The following CCSER1 variants were observed in gnomAD, a reference collection of about 807,000 sequenced individuals.
CCSER1 encodes serine-rich coiled-coil domain-containing protein 1.
CCSER1 carries 41 observed loss-of-function variants against 82.0 expected under a neutral mutation model. That is an observed-to-expected ratio of 0.50 (90% CI 0.39 to 0.65). The LOEUF (loss-of-function observed/expected upper bound fraction) is 0.65, where lower values mean the gene tolerates loss of function less well. Ranked by LOEUF, CCSER1 falls within the 30% of genes least tolerant of loss-of-function variation. CCSER1 has a pLI of 0.00. For synonymous variants in CCSER1, 414 were observed against 383.9 expected, an observed-to-expected ratio of 1.08 and a Z score of -0.92; for missense variants, 1,119 against 1,064.2, an observed-to-expected ratio of 1.05 and a Z score of -0.72.
intron 10 of CCSER1, among the ~76,000 whole-genome samples, chr4:91,578,814 G>A (rs1339196966): frequency 6.6e-6 from 1 of 151,816 alleles, no homozygotes; most frequent in Non-Finnish European, 1.5e-5. Context: ...GTAGAATGTG[G>A]TTCAGGTGTT....
chr4:90,726,307 A>T (rs1186478733), intron 7 of CCSER1, among the ~76,000 whole-genome samples: 1 of 152,106 alleles, frequency 6.6e-6, no homozygotes, highest in Middle Eastern at 3.4e-3. Context: ...TGAAATAAAG[A>T]CAAATGGTAA....
At chr4:91,030,896 C>A (rs1248668701) in intron 9 of CCSER1, among the ~76,000 whole-genome samples, 6 of 152,136 alleles carry the variant, frequency 3.9e-5, no homozygotes, top group African/African-American at 1.4e-4. Flanking sequence ...CTCTGTTAGA[C>A]CTCTTTTGGT....
At chr4:91,300,060 T>C (rs903868025) in intron 10 of CCSER1, among the ~76,000 whole-genome samples, 1 of 151,974 alleles carries the variant, frequency 6.6e-6, no homozygotes, top group Non-Finnish European at 1.5e-5. Context: ...TTTTGTTGCC[T>C]TGACTTTGGA....
At position 91,155,046 on chromosome 4, in the gene CCSER1, T is replaced by C. The variant is rs115141078; in HGVS notation, c.2217+69052T>C. The stretch of plus-strand genomic sequence containing the variant: ...GCTTTTCTGGCCTTAAAAAAAAAAA[T>C]CCTAAAACCTAGAGGCTTAAAAGAA... On this transcript the variant is annotated intron_variant, in intron 10 of 10. Transcript: ENST00000509176. Among the ~76,000 whole-genome samples the C allele has an allele frequency of 5.7e-3, 798 of 138,832 alleles. 9 individuals are homozygous for C. The highest frequency in any genetic ancestry group is 0.019 in the African/African-American group (756 of 39,488). 91.1% of individuals were successfully genotyped at this position (138,832 alleles called of 152,430 possible). A position where few individuals can be genotyped will look rare whatever the true frequency, so the allele number is the denominator to read the frequency against.
intron 8 of CCSER1, among the ~76,000 whole-genome samples, chr4:90,830,677 G>A (rs1241913083): frequency 6.6e-6 from 1 of 152,010 alleles, no homozygotes; most frequent in African/African-American, 2.4e-5. Context: ...GCAGTTTTTG[G>A]TTTATTACAC....
chr4:90,137,126 A>G (rs1723840676), intron 1 of CCSER1, among the ~76,000 whole-genome samples: 1 of 152,208 alleles, frequency 6.6e-6, no homozygotes, highest in Non-Finnish European at 1.5e-5. Flanking sequence ...AAAAGTACTC[A>G]TTAATAAATG....
chr4:91,298,519 T>C (rs1560574611), intron 10 of CCSER1, among the ~76,000 whole-genome samples: 1 of 151,964 alleles, frequency 6.6e-6, no homozygotes, highest in South Asian at 2.1e-4. Context: ...TGTACTCTGA[T>C]GGCAAGGGAA....
rs150382985 is a variant in CCSER1 at position 91,163,475 on chromosome 4, C to A, written c.2217+77481C>A. Among the ~76,000 whole-genome samples the A allele has an allele frequency of 5.4e-3, 828 of 152,188 alleles. 7 individuals are homozygous for A. Among genetic ancestry groups the A allele is most frequent in the African/African-American group, 0.019 (786 of 41,532 alleles). On this transcript the variant is annotated intron_variant, in intron 10 of 10. Coordinates refer to ENST00000509176, the MANE Select transcript of CCSER1 (RefSeq NM_001145065.2). ...CTTGGTGCAGAGCTGAGTTCAATTC[C>A]TGGATATCCTTGTTAACCTTCTGTC...
intron 10 of CCSER1, among the ~76,000 whole-genome samples, chr4:91,434,194 T>C (rs1754501477): frequency 7.0e-6 from 1 of 142,804 alleles, no homozygotes; most frequent in African/African-American, 2.9e-5. Context: ...AGACTTTTTG[T>C]TTGTTTTTTT....
chr4:91,508,979 G>T (rs1342325086), intron 10 of CCSER1, among the ~76,000 whole-genome samples: 1 of 151,520 alleles, frequency 6.6e-6, no homozygotes, highest in African/African-American at 2.4e-5. Flanking sequence ...TAATTTGTGT[G>T]TTCTCTCTTT....
intron 10 of CCSER1, among the ~76,000 whole-genome samples, chr4:91,309,120 T>G (rs1745268369): frequency 6.6e-6 from 1 of 151,974 alleles, no homozygotes; most frequent in Non-Finnish European, 1.5e-5. Flanking sequence ...TAGCAACATA[T>G]TTTCAAATAC....
intron 1 of CCSER1, among the ~76,000 whole-genome samples, chr4:90,216,130 G>A (rs1740975646): frequency 6.6e-6 from 1 of 152,164 alleles, no homozygotes; most frequent in Non-Finnish European, 1.5e-5. Context: ...ATGTGTGGTG[G>A]TTCTTGAATC....
chr4:91,164,329 G>A (rs950711153), intron 10 of CCSER1, among the ~76,000 whole-genome samples: 20 of 152,164 alleles, frequency 1.3e-4, no homozygotes, highest in Non-Finnish European at 2.9e-5. Flanking sequence ...CCCTTTGTGG[G>A]TAACCCGACC....
chr4:90,811,729 G>A (rs534562801), intron 7 of CCSER1, among the ~76,000 whole-genome samples: 5 of 152,128 alleles, frequency 3.3e-5, no homozygotes, highest in South Asian at 2.1e-4. Context: ...TTAAGGTGGC[G>A]GAAGAGGATG....
At chr4:91,376,269 A>T (rs1436377552) in intron 10 of CCSER1, among the ~76,000 whole-genome samples, 1 of 152,194 alleles carries the variant, frequency 6.6e-6, no homozygotes, top group Non-Finnish European at 1.5e-5. Flanking sequence ...AAGCAACCTA[A>T]GAGTGTACAC....
chr4:90,723,031 G>T (rs1462774227), intron 6 of CCSER1, among the ~76,000 whole-genome samples: 1 of 151,834 alleles, frequency 6.6e-6, no homozygotes, highest in Non-Finnish European at 1.5e-5. Flanking sequence ...CTGTGTGTTT[G>T]CACATATATT....
intron 5 of CCSER1, among the ~76,000 whole-genome samples, chr4:90,592,040 G>A (rs1037732716): frequency 7.2e-5 from 11 of 151,994 alleles, no homozygotes; most frequent in Non-Finnish European, 8.8e-5. Flanking sequence ...GTCGCAGGAT[G>A]GGAGCAAGGG....
At chr4:90,288,017 A>G (rs1730218838) in intron 1 of CCSER1, among the ~76,000 whole-genome samples, 4 of 151,876 alleles carry the variant, frequency 2.6e-5, no homozygotes, top group South Asian at 2.1e-4. Context: ...TCATCCCTCT[A>G]TCAATAAACA....
At chr4:91,499,070 T>C (rs1382281449) in intron 10 of CCSER1, among the ~76,000 whole-genome samples, 1 of 151,994 alleles carries the variant, frequency 6.6e-6, no homozygotes, top group Non-Finnish European at 1.5e-5. Flanking sequence ...GGAATTTCTC[T>C]AGGCTTAAAC....
Sources: allele counts gnomAD v4.1 joint callset (sites outside exome capture counted in the v4.1 genomes callset), GRCh38; gene constraint gnomAD v4.1.1; transcripts MANE v1.5; gene names NCBI Gene and HGNC (gene_info 2026-07-23, HGNC 2026-07-21).